The following AGK variants were observed in gnomAD, a reference collection of about 807,000 sequenced individuals.
The protein encoded by AGK is acylglycerol kinase, mitochondrial.
A neutral mutation model predicts 66.4 loss-of-function variants in AGK; 52 were observed. The observed-to-expected ratio is 0.78, with a 90% confidence interval of 0.63 to 0.99. The LOEUF (loss-of-function observed/expected upper bound fraction) is 0.99, where lower values mean the gene tolerates loss of function less well. Ranked by LOEUF, AGK falls within the 50% of genes least tolerant of loss-of-function variation. The pLI, the probability that AGK is intolerant of heterozygous loss-of-function variation, is 0.00. For synonymous variants in AGK, 182 were observed against 181.1 expected, an observed-to-expected ratio of 1.00 and a Z score of -0.04; for missense variants, 451 against 506.6, an observed-to-expected ratio of 0.89 and a Z score of 1.05.
At chr7:141,607,779 T>C (rs1312479948) in intron 5 of AGK, among the ~76,000 whole-genome samples, 1 of 152,136 alleles carries the variant, frequency 6.6e-6, no homozygotes, top group East Asian at 1.9e-4. Flanking sequence ...CATTTTGAGT[T>C]AGCTTTTTTG....
At chr7:141,637,459 C>T (rs934913137) in intron 11 of AGK, among the ~76,000 whole-genome samples, 10 of 151,934 alleles carry the variant, frequency 6.6e-5, no homozygotes, top group Admixed American at 1.3e-4. Context: ...TAAATATGGG[C>T]GGTGGTTACT....
chr7:141,557,685 G>A (rs763805849), intron 2 of AGK, among the ~76,000 whole-genome samples: 2 of 152,216 alleles, frequency 1.3e-5, no homozygotes, highest in Non-Finnish European at 2.9e-5. Context: ...GCTTGAGCCA[G>A]AAGTGTGGTG....
At chr7:141,648,816 T>C (rs1369904576) in intron 13 of AGK, among the ~76,000 whole-genome samples, 1 of 152,200 alleles carries the variant, frequency 6.6e-6, no homozygotes, top group Non-Finnish European at 1.5e-5. Context: ...ATGTAGAGCA[T>C]TAAAGAAGCA....
intron 2 of AGK, among the ~76,000 whole-genome samples, chr7:141,558,101 G>A (rs1282664142): frequency 6.6e-6 from 1 of 151,808 alleles, no homozygotes; most frequent in Admixed American, 6.6e-5. Context: ...TATAGTATTT[G>A]TATTTTTGTG....
In AGK at chr7:141,653,004, AAC is replaced by A. The variant is rs886062021; in HGVS notation, c.*82_*83del. The A allele has an allele frequency of 7.0e-6, 11 of 1,565,964 alleles. No individual in the cohort carries two copies. The highest frequency in any genetic ancestry group is 9.6e-6 in the Non-Finnish European group (11 of 1,149,926). Reference sequence around the variant, plus strand: ...AGGGAACAGGTGCCTCAGCCATCCCAACAGTGTCGTCAGAGGGTCCCCAGGGC... The same window carrying A: ...AGGGAACAGGTGCCTCAGCCATCCCAAGTGTCGTCAGAGGGTCCCCAGGGC... On this transcript the variant is annotated 3_prime_UTR_variant, in exon 16 of 16. Transcript: ENST00000649286.
chr7:141,630,463 T>A (rs1222406716), intron 9 of AGK, among the ~76,000 whole-genome samples: 1 of 152,214 alleles, frequency 6.6e-6, no homozygotes, highest in East Asian at 1.9e-4. Flanking sequence ...GAATATTTAA[T>A]TAGCTTGATT....
At chr7:141,636,249 G>T (rs1048830648) in intron 10 of AGK, among the ~76,000 whole-genome samples, 2 of 152,180 alleles carry the variant, frequency 1.3e-5, no homozygotes, top group African/African-American at 4.8e-5. Flanking sequence ...AGGACATGGT[G>T]TACAGGATCT....
chr7:141,597,846 G>A (rs913894921), intron 4 of AGK, among the ~76,000 whole-genome samples: 5 of 135,980 alleles, frequency 3.7e-5, no homozygotes, highest in African/African-American at 8.7e-5. Flanking sequence ...AGCCATGATC[G>A]CGCAACTGCA....
chr7:141,575,407 A>C (rs960475580), intron 2 of AGK, among the ~76,000 whole-genome samples: 8 of 152,192 alleles, frequency 5.3e-5, no homozygotes, highest in African/African-American at 1.9e-4. Context: ...ACATACCAGA[A>C]TCACTTGGCA....
chr7:141,615,379 G>T, intron 7 of AGK, 92 bp from the exon 8 acceptor site: 1 of 973,446 alleles, frequency 1.0e-6, no homozygotes, highest in Non-Finnish European at 1.6e-6. Context: ...TACAGGGTCA[G>T]TTATTTGTCA....
chr7:141,607,549 A>G (rs1367565950), intron 5 of AGK, among the ~76,000 whole-genome samples: 1 of 152,100 alleles, frequency 6.6e-6, no homozygotes, highest in Non-Finnish European at 1.5e-5. Context: ...GCTGTTTGCT[A>G]TGCATTTTGC....
rs550660492 is a variant in AGK, at chr7:141,633,736, A to AT, written c.589-160dup. The stretch of plus-strand genomic sequence containing the variant: ...ATATTACAGTGTGGCTTATTCAAGT[A>AT]TTTTTACTAAGCACTCACAGGGTTA... On this transcript the variant is annotated intron_variant, in intron 9 of 15. Coordinates refer to ENST00000649286, the MANE Select transcript of AGK (RefSeq NM_018238.4). Among the ~76,000 whole-genome samples, 37 of 152,310 alleles carry AT rather than the reference A, an allele frequency of 2.4e-4. No individual in the cohort carries two copies. In the East Asian group the frequency reaches 5.8e-3, roughly 24 times the overall value.
intron 2 of AGK, among the ~76,000 whole-genome samples, chr7:141,575,650 A>AG (rs1795718931): frequency 7.7e-6 from 1 of 130,422 alleles, no homozygotes; most frequent in Non-Finnish European, 1.6e-5. Flanking sequence ...CCTTTTACAA[A>AG]GGCCTTTTTT....
At chr7:141,629,158 T>C (rs900879920) in intron 9 of AGK, among the ~76,000 whole-genome samples, 1 of 152,188 alleles carries the variant, frequency 6.6e-6, no homozygotes. Context: ...TTTGTTTCTT[T>C]CTCTTTATCT....
chr7:141,571,516 C>G (rs557070818), intron 2 of AGK, among the ~76,000 whole-genome samples: 1 of 152,220 alleles, frequency 6.6e-6, no homozygotes, highest in South Asian at 2.1e-4. Flanking sequence ...TGCTTATAGG[C>G]CTGTGGTGAA....
chr7:141,565,573 G>A (rs547184710), intron 2 of AGK, among the ~76,000 whole-genome samples: 8 of 152,082 alleles, frequency 5.3e-5, no homozygotes, highest in South Asian at 4.2e-4. Context: ...CCCAGGAGGC[G>A]GAGGCTGCAG....
chr7:141,599,442 T>A (rs759813225), intron 4 of AGK: 32 of 152,266 alleles, frequency 2.1e-4, no homozygotes, highest in Admixed American at 6.5e-4. Flanking sequence ...TTCAATCTTT[T>A]ATATAGAAAA....
At chr7:141,565,501 G>T (rs778609637) in intron 2 of AGK, among the ~76,000 whole-genome samples, 4 of 151,960 alleles carry the variant, frequency 2.6e-5, no homozygotes, top group Non-Finnish European at 4.4e-5. Flanking sequence ...AAATACAAAA[G>T]TTAGCTGGGT....
At chr7:141,634,827 A>G (rs920849222) in intron 10 of AGK, among the ~76,000 whole-genome samples, 2 of 146,372 alleles carry the variant, frequency 1.4e-5, no homozygotes, top group Admixed American at 1.4e-4. Flanking sequence ...CCAGCCTGCC[A>G]TGCTTTTTTT....
Sources: gnomAD v4.1 joint callset for allele counts (sites outside exome capture counted in the v4.1 genomes callset) on GRCh38, gnomAD v4.1.1 for gene constraint, MANE v1.5 for transcripts, NCBI Gene and HGNC (gene_info 2026-07-23, HGNC 2026-07-21) for gene names.